Variants in UNC13A observed in about 807,000 individuals in gnomAD.
UNC13A encodes the protein protein unc-13 homolog A.
UNC13A carries 61 observed loss-of-function variants against 219.7 expected under a neutral mutation model. The observed-to-expected ratio is 0.28, with a 90% CI of 0.23 to 0.34. UNC13A has a LOEUF of 0.34. UNC13A is among the 10% of genes least tolerant of loss of function. The pLI is 1.00. For missense variants in UNC13A, 1,476 were observed against 2,270.3 expected (o/e 0.65, Z 7.11); for synonymous variants, 920 against 884.6 (o/e 1.04, Z -0.71).
In UNC13A at chr19:17,627,585, C is replaced by T; in HGVS notation, c.3844G>A (p.Ala1282Thr). 2.6e-6 allele frequency: 4 copies of T among 1,559,772 alleles called. No homozygotes were observed. Among genetic ancestry groups the T allele is most frequent in the East Asian group, 2.4e-5 (1 of 41,584 alleles). ...TGAAGCTCCTTCAGGATGTCACTGGCTTCAGCATCCAGCTAAGGAGGGAGA... is the reference window on the plus strand; with the variant it reads ...TGAAGCTCCTTCAGGATGTCACTGGTTTCAGCATCCAGCTAAGGAGGGAGA... ...AMGGKELDAEASDILKELQVK... is the reference protein window; with the variant it reads ...AMGGKELDAETSDILKELQVK... Residue 1282 changes from alanine to threonine, a missense_variant, in exon 33 of 44, where the codon GCC becomes ACC. Coordinates refer to ENST00000519716, the MANE Select transcript of UNC13A (RefSeq NM_001080421.3). This position sits in a 1 kb window ranked among gnomAD's most constrained non-coding sequence, Gnocchi z 4.7.
intron 36 of UNC13A, among the ~76,000 whole-genome samples, chr19:17,622,098 G>A (rs1408576453): frequency 7.1e-6 from 1 of 139,944 alleles, no homozygotes; most frequent in East Asian, 2.4e-4. Flanking sequence ...AGACAGGAAA[G>A]AGAGAGAAAG....
intron 37 of UNC13A, among the ~76,000 whole-genome samples, chr19:17,621,088 G>A (rs547940465): frequency 6.6e-6 from 1 of 152,200 alleles, no homozygotes; most frequent in Admixed American, 6.5e-5. Flanking sequence ...CAGCACCCAA[G>A]TCTACAAAAA....
At chr19:17,655,586 G>A (rs1220408199) in intron 10 of UNC13A, among the ~76,000 whole-genome samples, 1 of 152,076 alleles carries the variant, frequency 6.6e-6, no homozygotes, top group African/African-American at 2.4e-5. Flanking sequence ...ACACTTCACT[G>A]TTCCTCGGCT....
chr19:17,635,556 C>G (rs923562594), intron 26 of UNC13A, among the ~76,000 whole-genome samples: 1 of 152,070 alleles, frequency 6.6e-6, no homozygotes, highest in African/African-American at 2.4e-5. Flanking sequence ...CAATATTGTA[C>G]GTTGAATTGC....
intron 17 of UNC13A, 83 bp downstream of exon 17, chr19:17,647,182 G>A: frequency 7.6e-7 from 1 of 1,312,022 alleles, no homozygotes; most frequent in South Asian, 1.4e-5. Flanking sequence ...GCAAAGGAGA[G>A]GGACCAGGCC....
chr19:17,628,060 C>A, intron 31 of UNC13A, 120 bp from the exon 32 acceptor site: 1 of 892,656 alleles, frequency 1.1e-6, no homozygotes, highest in Non-Finnish European at 1.8e-6. Context: ...GCTGGGGTCC[C>A]ATGGGGTCAC....
At chr19:17,679,062 C>T (rs2079956186) in intron 1 of UNC13A, among the ~76,000 whole-genome samples, 1 of 152,044 alleles carries the variant, frequency 6.6e-6, no homozygotes, top group South Asian at 2.1e-4. Flanking sequence ...AGTTCAAGAC[C>T]AGCCTGGGCA....
chr19:17,620,547 C>A, intron 38 of UNC13A, 146 bp downstream of exon 38: 1 of 799,410 alleles, frequency 1.3e-6, no homozygotes, highest in Non-Finnish European at 2.1e-6. Context: ...CACGAGCAAG[C>A]CAGACAGACA....
intron 6 of UNC13A, among the ~76,000 whole-genome samples, 175 bp from the exon 7 acceptor site, chr19:17,666,879 CACGAGA>C (rs796446526): frequency 5.3e-4 from 62 of 116,336 alleles, no homozygotes; most frequent in African/African-American, 1.1e-3. Context: ...CACACACACA[CACGAGA>C]GAGAGAGAGA....
At chr19:17,680,513 C>A (rs2079986905) in intron 1 of UNC13A, among the ~76,000 whole-genome samples, 1 of 152,116 alleles carries the variant, frequency 6.6e-6, no homozygotes, top group African/African-American at 2.4e-5. Context: ...TCTTTGGGGC[C>A]CCCAGAAGCG....
intron 6 of UNC13A, among the ~76,000 whole-genome samples, 175 bp from the exon 7 acceptor site, chr19:17,666,879 C>CGAGAGAGAGAGAGAGAGAGAG: frequency 8.6e-6 from 1 of 116,416 alleles, no homozygotes; most frequent in African/African-American, 3.2e-5. Context: ...CACACACACA[C>CGAGAGAGAGAGAGAGAGAGAG]ACGAGAGAGA....
intron 42 of UNC13A, among the ~76,000 whole-genome samples, chr19:17,610,792 G>T (rs1252374889): frequency 1.3e-5 from 2 of 152,156 alleles, no homozygotes; most frequent in Non-Finnish European, 2.9e-5. Flanking sequence ...ACTTTGGGAG[G>T]CCCAGGTGGG....
At chr19:17,630,478 G>A (rs781286123) in intron 29 of UNC13A, among the ~76,000 whole-genome samples, 176 bp downstream of exon 29, 10 of 152,232 alleles carry the variant, frequency 6.6e-5, no homozygotes, top group East Asian at 1.9e-4. Flanking sequence ...GGAGGTGTCC[G>A]GCTTGATGGA....
rs1568509738 is a variant in UNC13A, at chr19:17,627,392, T to G, written c.3920+117A>C. The G allele has an allele frequency of 2.5e-6, 2 of 787,672 alleles. No individual in the cohort carries two copies. Among genetic ancestry groups the G allele is most frequent in the Non-Finnish European group, 4.1e-6 (2 of 485,348 alleles). The allele number at this position is 787,672 out of a possible 1,614,324, so 48.8% of individuals were successfully genotyped here. A position where few individuals can be genotyped will look rare whatever the true frequency, so the allele number is the denominator to read the frequency against. On this transcript the variant is annotated intron_variant, in intron 33 of 43. Coordinates refer to ENST00000519716, the MANE Select transcript of UNC13A (RefSeq NM_001080421.3). This position sits in a 1 kb window ranked among gnomAD's most constrained non-coding sequence, Gnocchi z 4.7. ...AAGCCAAGATTTGAACTCAGCCTTG[T>G]CTAACTCTGAGCCTGCAATCTTCAC...
chr19:17,634,853 C>G (rs1420500946), intron 26 of UNC13A, among the ~76,000 whole-genome samples: 1 of 151,904 alleles, frequency 6.6e-6, no homozygotes, highest in Non-Finnish European at 1.5e-5. Context: ...TACCACCACG[C>G]CCGGTTAATT....
At chr19:17,612,492 G>C (rs1290402539) in intron 41 of UNC13A, among the ~76,000 whole-genome samples, 2 of 152,076 alleles carry the variant, frequency 1.3e-5, no homozygotes, top group African/African-American at 4.8e-5. Flanking sequence ...TAGCCTCCTT[G>C]CTGGTCTTCC....
intron 17 of UNC13A, 40 bp from the exon 18 acceptor site, chr19:17,646,151 A>G: frequency 1.2e-6 from 2 of 1,608,892 alleles, no homozygotes; most frequent in African/African-American, 1.3e-5. Context: ...TGCACTCAAG[A>G]AGCGAGGCAT....
At chr19:17,639,396 A>T (rs182177587) in intron 24 of UNC13A, 40 bp downstream of exon 24, 84 of 1,595,406 alleles carry the variant, frequency 5.3e-5, no homozygotes, top group Non-Finnish European at 7.1e-5. Flanking sequence ...ATCCTAGAGA[A>T]CCCTCCTTGG....
intron 23 of UNC13A, 72 bp from the exon 24 acceptor site, chr19:17,639,597 G>T: frequency 6.7e-7 from 1 of 1,499,526 alleles, no homozygotes. Context: ...CTTTTCAGGG[G>T]GATACAAAGG....
Sources: allele counts gnomAD v4.1 joint callset (sites outside exome capture counted in the v4.1 genomes callset), GRCh38; gene constraint gnomAD v4.1.1; non-coding constraint Gnocchi (gnomAD v3.1); transcripts MANE v1.5; gene names NCBI Gene and HGNC (gene_info 2026-07-23, HGNC 2026-07-21).